Variants in RIPOR3 observed in about 807,000 individuals in gnomAD.
RIPOR3 encodes the protein family with sequence similarity 65 member C.
In RIPOR3, 95 loss-of-function variants were observed where a neutral mutation model predicts 114.3. The ratio of observed to expected loss-of-function variants is 0.83; its 90% CI spans 0.70 to 0.99. The LOEUF is 0.99. RIPOR3 is among the 50% of genes least tolerant of loss of function. RIPOR3 has a pLI of 0.00. For missense variants in RIPOR3, 1,252 were observed against 1,266.9 expected (o/e 0.99, Z 0.18); for synonymous variants, 575 against 543.8 (o/e 1.06, Z -0.80).
chr20:50,686,699 T>A (rs867318992), intron 1 of RIPOR3, among the ~76,000 whole-genome samples: 1 of 150,210 alleles, frequency 6.7e-6, no homozygotes, highest in South Asian at 2.1e-4. Flanking sequence ...TGCAGTGAGC[T>A]GAGATCGCAC....
chr20:50,683,914 C>A (rs1378954239), intron 1 of RIPOR3, among the ~76,000 whole-genome samples: 2 of 151,980 alleles, frequency 1.3e-5, no homozygotes, highest in Non-Finnish European at 2.9e-5. Flanking sequence ...AACCCTGTCT[C>A]TACTAAAAAT....
intron 1 of RIPOR3, among the ~76,000 whole-genome samples, chr20:50,666,230 A>T (rs2086237285): frequency 2.8e-4 from 2 of 7,218 alleles, no homozygotes; most frequent in Non-Finnish European, 1.5e-3. Context: ...TTCTTTTTTG[A>T]GACGGAGTCA....
At chr20:50,627,001 C>T (rs1415187393) in intron 2 of RIPOR3, among the ~76,000 whole-genome samples, 2 of 124,142 alleles carry the variant, frequency 1.6e-5, no homozygotes, top group African/African-American at 7.0e-5. Flanking sequence ...GCAACAAGAG[C>T]AAAAGTCCGT....
chr20:50,615,549 C>G (rs1269592369), intron 4 of RIPOR3, among the ~76,000 whole-genome samples: 1 of 135,588 alleles, frequency 7.4e-6, no homozygotes. Flanking sequence ...AAAAAAAAGA[C>G]ACTGCCCTGA....
chr20:50,601,099 G>C (rs1318137873), intron 13 of RIPOR3, among the ~76,000 whole-genome samples: 1 of 152,206 alleles, frequency 6.6e-6, no homozygotes, highest in East Asian at 1.9e-4. Flanking sequence ...AGAGCAGGAA[G>C]GGATGGGCCT....
chr20:50,621,107 T>C (rs911078517), intron 2 of RIPOR3: 12 of 192,348 alleles, frequency 6.2e-5, no homozygotes, highest in South Asian at 2.3e-4. Flanking sequence ...CCCGGAAATA[T>C]AGAACAGCTT....
At chr20:50,591,924 G>C (rs1480513632) in intron 19 of RIPOR3, among the ~76,000 whole-genome samples, 1 of 152,206 alleles carries the variant, frequency 6.6e-6, no homozygotes, top group Non-Finnish European at 1.5e-5. Flanking sequence ...GTGAAACCCT[G>C]TATCTACTAA....
At chr20:50,677,367 C>CTTT (rs34725648) in intron 1 of RIPOR3, among the ~76,000 whole-genome samples, 1 of 96,798 alleles carries the variant, frequency 1.0e-5, no homozygotes, top group African/African-American at 3.7e-5. Flanking sequence ...TCTTGTTTTA[C>CTTT]TTTTTTTTTT....
At chr20:50,678,750 G>A (rs1043469777) in intron 1 of RIPOR3, among the ~76,000 whole-genome samples, 6 of 152,174 alleles carry the variant, frequency 3.9e-5, no homozygotes, top group South Asian at 2.1e-4. Context: ...TTTGCACATG[G>A]TGGAGGCTCC....
intron 2 of RIPOR3, among the ~76,000 whole-genome samples, chr20:50,629,709 C>A (rs2084751698): frequency 6.6e-6 from 1 of 152,228 alleles, no homozygotes; most frequent in South Asian, 2.1e-4. Flanking sequence ...CTCGTGGTTC[C>A]TTCCCGACAG....
intron 12 of RIPOR3, among the ~76,000 whole-genome samples, chr20:50,604,074 C>T (rs962250561): frequency 1.3e-5 from 2 of 151,448 alleles, no homozygotes; most frequent in Non-Finnish European, 2.9e-5. Flanking sequence ...CCCAGCTACT[C>T]GGGAGGCTGA....
intron 1 of RIPOR3, among the ~76,000 whole-genome samples, chr20:50,671,403 AGCACGCGCGCGT>A (rs1042413660): frequency 1.4e-5 from 2 of 140,864 alleles, no homozygotes; most frequent in African/African-American, 2.6e-5. Flanking sequence ...CTCTCACATG[AGCACGCGCGCGT>A]GCACGCGCGC....
intron 2 of RIPOR3, among the ~76,000 whole-genome samples, chr20:50,628,317 C>T (rs2084694339): frequency 6.6e-6 from 1 of 152,094 alleles, no homozygotes; most frequent in Admixed American, 6.5e-5. Flanking sequence ...CCTTCCCAGG[C>T]TCCCCTCCAC....
chr20:50,634,822 C>A (rs1177163558), intron 1 of RIPOR3, among the ~76,000 whole-genome samples: 1 of 152,194 alleles, frequency 6.6e-6, no homozygotes, highest in East Asian at 1.9e-4. Flanking sequence ...CACCTGAGGT[C>A]AAGAATTCAA....
chr20:50,617,142 A>G (rs2084206608), intron 3 of RIPOR3, among the ~76,000 whole-genome samples: 1 of 152,118 alleles, frequency 6.6e-6, no homozygotes, highest in African/African-American at 2.4e-5. Flanking sequence ...CTTCATTCCA[A>G]AACAAAGAAG....
In RIPOR3 at chr20:50,602,194, G is replaced by T. The variant is rs529861332; in HGVS notation, c.1537C>A (p.Pro513Thr). The stretch of plus-strand genomic sequence containing the variant: ...AGAGGCCCCTCGAGGGCCACGCCAG[G>T]CCCGTCCTCTCTGTCCCCGGTTGCC... Reference protein sequence around the residue: ...EGATGDREDGPGVALEGPLQE... With the variant: ...EGATGDREDGTGVALEGPLQE... Residue 513 changes from proline (P) to threonine (T), a missense_variant, in exon 13 of 22, where the codon CCT becomes ACT. Pro to Thr is a conservative substitution (Grantham distance 38). Transcript: ENST00000327979. The surrounding 1 kb of genome is among the most constrained non-coding windows in gnomAD (Gnocchi z 4.3). The T allele has an allele frequency of 1.9e-6, 3 of 1,613,502 alleles. No homozygotes were observed. Among genetic ancestry groups the T allele is most frequent in the Non-Finnish European group, 2.5e-6 (3 of 1,179,866 alleles).
At chr20:50,629,190 C>T (rs896859212) in intron 2 of RIPOR3, among the ~76,000 whole-genome samples, 1 of 152,086 alleles carries the variant, frequency 6.6e-6, no homozygotes, top group South Asian at 2.1e-4. Context: ...TGGGTTTATT[C>T]TAAGTAGGTT....
At chr20:50,587,974 C>CACTA in intron 20 of RIPOR3, 82 bp from the exon 21 acceptor site, 1 of 1,318,216 alleles carries the variant, frequency 7.6e-7, no homozygotes, top group Non-Finnish European at 1.1e-6. Flanking sequence ...CCTGCAGGGC[C>CACTA]AGTCCTAGCA....
chr20:50,662,827 G>A lies in RIPOR3; in HGVS notation c.3+28299C>T, dbSNP rs2086042124. On this transcript the variant is annotated intron_variant, in intron 1 of 21. Transcript: ENST00000327979. ...AGAAGTTTTCAGGACGGACACAGTG[G>A]CTCACGCCTGTAATCCCAACACTTG... Among the ~76,000 whole-genome samples, 4 of 152,238 alleles carry A rather than the reference G, an allele frequency of 2.6e-5. No individual in the cohort carries two copies. In the South Asian group the frequency reaches 8.3e-4, roughly 31 times the overall value.
Sources: gnomAD v4.1 joint callset for allele counts (sites outside exome capture counted in the v4.1 genomes callset) on GRCh38, gnomAD v4.1.1 for gene constraint, Gnocchi (gnomAD v3.1) non-coding constraint, MANE v1.5 for transcripts, NCBI Gene and HGNC (gene_info 2026-07-23, HGNC 2026-07-21) for gene names.